Variants in SCAI observed in about 807,000 individuals in gnomAD.
SCAI encodes the protein suppressor of cancer cell invasion, also known as protein SCAI.
A neutral mutation model predicts 92.2 loss-of-function variants in SCAI; 24 were observed. The ratio of observed to expected loss-of-function variants is 0.26; its 90% confidence interval spans 0.19 to 0.37. SCAI has a LOEUF of 0.37. SCAI is among the 10% of genes least tolerant of loss of function. The probability of loss-of-function intolerance (pLI) is 1.00; values close to 1 mark genes in which losing one functional copy is unlikely to be tolerated. For missense variants in SCAI, 450 were observed against 736.2 expected (o/e 0.61, Z 4.50); for synonymous variants, 261 against 258.6 (o/e 1.01, Z -0.09).
intron 14 of SCAI, among the ~76,000 whole-genome samples, chr9:124,987,324 C>CT (rs71374213): frequency 0.54 from 81,461 of 151,576 alleles, 22,623 homozygotes; most frequent in Non-Finnish European, 0.58. Context: ...ACCTGGATGG[C>CT]TTTTTTTTAT....
At chr9:125,142,516 T>G (rs1835690507) in intron 2 of SCAI, 117 bp downstream of exon 2, 6 of 750,594 alleles carry the variant, frequency 8.0e-6, no homozygotes, top group Admixed American at 2.7e-5. Flanking sequence ...TATATTCTTT[T>G]AAAAGGGGGA....
intron 2 of SCAI, among the ~76,000 whole-genome samples, chr9:125,102,729 C>T (rs7862918): frequency 0.023 from 3,529 of 152,204 alleles, 146 homozygotes; most frequent in African/African-American, 0.081. Context: ...TCCCAAGTAG[C>T]TGGGATTACA....
chr9:125,116,534 TTAAGA>T (rs1835050632), intron 2 of SCAI, among the ~76,000 whole-genome samples: 1 of 152,132 alleles, frequency 6.6e-6, no homozygotes, highest in Admixed American at 6.5e-5. Context: ...TGAATTTATT[TTAAGA>T]TGTTTAAATT....
chr9:124,963,524 A>G (rs1831482519), intron 17 of SCAI, among the ~76,000 whole-genome samples: 1 of 151,860 alleles, frequency 6.6e-6, no homozygotes, highest in Non-Finnish European at 1.5e-5. Context: ...CTGAGGCAGG[A>G]GGATCACTTG....
chr9:125,051,428 CATT>C (rs1330080238), intron 3 of SCAI, among the ~76,000 whole-genome samples: 16 of 152,094 alleles, frequency 1.1e-4, no homozygotes, highest in African/African-American at 3.9e-4. Flanking sequence ...CAAAATTTAT[CATT>C]ATTAGTATTG....
intron 11 of SCAI, among the ~76,000 whole-genome samples, chr9:125,002,254 A>G (rs1248697067): frequency 6.6e-6 from 1 of 152,166 alleles, no homozygotes; most frequent in Admixed American, 6.6e-5. Flanking sequence ...AGTTGCAAAG[A>G]CATTCTCTGC....
intron 10 of SCAI, 53 bp downstream of exon 10, chr9:125,003,416 G>A: frequency 8.1e-7 from 1 of 1,234,122 alleles, no homozygotes; most frequent in Non-Finnish European, 1.2e-6. Flanking sequence ...GTTCCAACAG[G>A]AGAGACGCAG....
intron 2 of SCAI, among the ~76,000 whole-genome samples, chr9:125,111,373 G>A (rs1834925552): frequency 6.6e-6 from 1 of 151,970 alleles, no homozygotes; most frequent in South Asian, 2.1e-4. Context: ...TCTATCCAAG[G>A]TATAGTAACG....
intron 1 of SCAI, 52 bp downstream of exon 1, chr9:125,143,333 C>T (rs951200302): frequency 3.5e-6 from 4 of 1,143,998 alleles, no homozygotes; most frequent in Non-Finnish European, 4.5e-6. Context: ...CCTGGGCCCG[C>T]TCCCTGGCCC....
In SCAI at chr9:124,970,796, T is replaced by C. The variant is rs189999652; in HGVS notation, c.1674+574A>G. On this transcript the variant is annotated intron_variant, in intron 17 of 17. Transcript: ENST00000336505. ...AGAGGGAGATAGGATCAGGGATGTA[T>C]TGAAAATGTTCTACTTTTATTTTTT... is the stretch of plus-strand genomic sequence containing the variant. Among the ~76,000 whole-genome samples, 207 of 152,222 alleles carry C rather than the reference T, an allele frequency of 1.4e-3. 3 individuals carry two copies. The highest frequency in any genetic ancestry group is 4.6e-3 in the African/African-American group (192 of 41,538).
rs1833006070 is a variant in SCAI, at chr9:125,028,460, C to T, written c.345G>A (p.Arg115=). The change falls in exon 5 of 18, where the codon CGG becomes CGA. Residue 115 remains arginine (R), a synonymous_variant. Transcript: ENST00000336505. The part of the protein sequence containing the change: ...QQQHRQVLDN[R]YGLKRWQIGE... Reference sequence around the variant, plus strand: ...CTATTTGCCAGCGCTTCAAGCCATACCGATTATCCAAGACTTGTCTGTTTT... The same window carrying T: ...CTATTTGCCAGCGCTTCAAGCCATATCGATTATCCAAGACTTGTCTGTTTT... 1 of 1,594,490 alleles carries T rather than the reference C, an allele frequency of 6.3e-7. No individual in the cohort carries two copies. The highest frequency in any genetic ancestry group is 1.4e-5 in the African/African-American group (1 of 73,822).
At chr9:125,058,717 A>T (rs1242698212) in intron 2 of SCAI, among the ~76,000 whole-genome samples, 1 of 152,108 alleles carries the variant, frequency 6.6e-6, no homozygotes, top group African/African-American at 2.4e-5. Context: ...CTTGGCCCCT[A>T]ATACCATTCT....
chr9:125,086,020 A>G (rs1366622259), intron 2 of SCAI, among the ~76,000 whole-genome samples: 1 of 152,244 alleles, frequency 6.6e-6, no homozygotes, highest in African/African-American at 2.4e-5. Context: ...CCAATTTAAA[A>G]GTTATTAAAC....
intron 2 of SCAI, among the ~76,000 whole-genome samples, chr9:125,136,440 T>C (rs917998480): frequency 6.7e-6 from 1 of 149,594 alleles, no homozygotes; most frequent in Non-Finnish European, 1.5e-5. Context: ...AGTATAAAAC[T>C]GATACTAATA....
Position 124,968,789 on chromosome 9 carries a change from G to A in SCAI, c.1674+2581C>T, listed in dbSNP as rs1807279302. ...CATGGTGGGGTGCGCAGGCCACGGCGATTCCAGTGCGCAGGCCCCAGCAGC... is the reference window on the plus strand; with the variant it reads ...CATGGTGGGGTGCGCAGGCCACGGCAATTCCAGTGCGCAGGCCCCAGCAGC... On this transcript the variant is annotated intron_variant, in intron 17 of 17. Transcript: ENST00000336505. 9.9e-6 allele frequency: 8 copies of A among 808,016 alleles called. 1 individual carries two copies. The highest frequency in any genetic ancestry group is 7.0e-5 in the South Asian group (5 of 71,150). 50.1% of individuals were successfully genotyped at this position (808,016 alleles called of 1,614,324 possible).
chr9:125,063,515 T>C (rs978763519), intron 2 of SCAI, among the ~76,000 whole-genome samples: 3 of 152,080 alleles, frequency 2.0e-5, no homozygotes, highest in Non-Finnish European at 4.4e-5. Context: ...TAAAATTTAA[T>C]GATGAAGTCC....
intron 2 of SCAI, among the ~76,000 whole-genome samples, chr9:125,057,694 A>G (rs1445188677): frequency 2.0e-5 from 3 of 152,198 alleles, no homozygotes; most frequent in Admixed American, 2.0e-4. Context: ...GAGGGCACCC[A>G]TGAGGGTGGA....
chr9:124,973,982 T>C (rs1831708256), intron 15 of SCAI, among the ~76,000 whole-genome samples: 1 of 152,228 alleles, frequency 6.6e-6, no homozygotes, highest in Non-Finnish European at 1.5e-5. Context: ...TTAGACATTA[T>C]CTCATCCCCT....
intron 2 of SCAI, among the ~76,000 whole-genome samples, chr9:125,058,778 G>C (rs1833719893): frequency 6.6e-6 from 1 of 152,162 alleles, no homozygotes; most frequent in African/African-American, 2.4e-5. Context: ...ACTAATTACA[G>C]CACAGGGGTA....
Sources: allele counts gnomAD v4.1 joint callset (sites outside exome capture counted in the v4.1 genomes callset), GRCh38; gene constraint gnomAD v4.1.1; transcripts MANE v1.5; gene names NCBI Gene and HGNC (gene_info 2026-07-23, HGNC 2026-07-21).